Variants in LGSN observed in about 807,000 individuals in gnomAD.
LGSN encodes the protein lengsin, lens protein with glutamine synthetase domain, also known as lengsin.
LGSN carries 21 observed loss-of-function variants against 19.5 expected under a neutral mutation model. The observed-to-expected ratio is 1.07, with a 90% CI of 0.76 to 1.55. The LOEUF (loss-of-function observed/expected upper bound fraction) is 1.55. LGSN is among the 40% of genes most tolerant of loss of function. LGSN has a pLI of 0.00. For synonymous variants in LGSN, 257 were observed against 215.6 expected, an observed-to-expected ratio of 1.19 and a Z score of -1.68; for missense variants, 673 against 608.5, an observed-to-expected ratio of 1.11 and a Z score of -1.12.
intron 3 of LGSN, 63 bp from the exon 4 acceptor site, chr6:63,281,283 C>T (rs1302676286): frequency 2.9e-5 from 31 of 1,062,620 alleles, no homozygotes; most frequent in Middle Eastern, 2.6e-4. Flanking sequence ...CGGGGGGCGG[C>T]GGGAAAGCCT....
chr6:63,412,487 A>AGAGAG, the LGSN span, among the ~76,000 whole-genome samples: 5 of 67,406 alleles, frequency 7.4e-5, no homozygotes, highest in African/African-American at 3.0e-4. Flanking sequence ...GAAAGAGAAG[A>AGAGAG]AAGAAAGAAA....
chr6:63,358,988 T>A, the LGSN span, among the ~76,000 whole-genome samples: 1 of 152,202 alleles, frequency 6.6e-6, no homozygotes, highest in Non-Finnish European at 1.5e-5. Flanking sequence ...ATAGCTGTTA[T>A]TATTTTGAGA....
the LGSN span, among the ~76,000 whole-genome samples, chr6:63,369,874 C>T: frequency 1.3e-5 from 2 of 152,036 alleles, no homozygotes; most frequent in African/African-American, 4.8e-5. Flanking sequence ...GTGGCACATG[C>T]CTGTTGCCTC....
chr6:63,312,339 A>G (rs945003371), intron 1 of LGSN, among the ~76,000 whole-genome samples: 1 of 152,192 alleles, frequency 6.6e-6, no homozygotes, highest in African/African-American at 2.4e-5. Flanking sequence ...TGAATCATAT[A>G]TAGTAGCTCT....
At chr6:63,539,409 C>T in the LGSN span, among the ~76,000 whole-genome samples, 1 of 152,134 alleles carries the variant, frequency 6.6e-6, no homozygotes, top group African/African-American at 2.4e-5. Flanking sequence ...CATAGGGGTA[C>T]TCACTATCCT....
the LGSN span, among the ~76,000 whole-genome samples, chr6:63,435,908 TAAAA>T: frequency 0.1 from 14,464 of 138,250 alleles, 1,648 homozygotes; most frequent in African/African-American, 0.29. Flanking sequence ...TCATCCAAAT[TAAAA>T]AAAAAAAAAA....
chr6:63,458,279 C>A, the LGSN span, among the ~76,000 whole-genome samples: 1 of 152,120 alleles, frequency 6.6e-6, no homozygotes, highest in African/African-American at 2.4e-5. Context: ...GTTAGTCAGG[C>A]TGGTCTCGAA....
the LGSN span, among the ~76,000 whole-genome samples, chr6:63,500,603 T>G: frequency 2.6e-5 from 4 of 152,050 alleles, no homozygotes; most frequent in African/African-American, 9.6e-5. Flanking sequence ...GTATTTTTAG[T>G]AGGGATAGGG....
chr6:63,304,361 A>G (rs548191945), intron 1 of LGSN, among the ~76,000 whole-genome samples: 1 of 152,346 alleles, frequency 6.6e-6, no homozygotes, highest in Admixed American at 6.5e-5. Flanking sequence ...TAGTCTGTAC[A>G]GCAGATTTTA....
chr6:63,326,961 G>A, the LGSN span, among the ~76,000 whole-genome samples: 1 of 152,266 alleles, frequency 6.6e-6, no homozygotes, highest in Non-Finnish European at 1.5e-5. Context: ...CCCAGGCAGA[G>A]GAGGCGCCGA....
At chr6:63,549,111 G>C in the LGSN span, 1 of 701,456 alleles carries the variant, frequency 1.4e-6, no homozygotes, top group South Asian at 1.5e-5. Flanking sequence ...AAGGACAGGT[G>C]GTCTCTTAGT....
At chr6:63,535,365 T>G in the LGSN span, among the ~76,000 whole-genome samples, 1 of 151,464 alleles carries the variant, frequency 6.6e-6, no homozygotes, top group African/African-American at 2.4e-5. Flanking sequence ...TCAACTTGGG[T>G]GCCTGAGGCA....
chr6:63,322,881 G>T (rs987624678), upstream of LGSN, among the ~76,000 whole-genome samples: 23 of 152,276 alleles, frequency 1.5e-4, no homozygotes, highest in African/African-American at 5.5e-4. Flanking sequence ...GAATATTTTT[G>T]TGTGTCCTTT....
chr6:63,460,253 C>T, the LGSN span, among the ~76,000 whole-genome samples: 3 of 151,884 alleles, frequency 2.0e-5, no homozygotes, highest in Admixed American at 6.6e-5. Flanking sequence ...CCACCACACC[C>T]GGCCCCATTC....
In LGSN at chr6:63,297,354, C is replaced by CAA. The variant is rs75453519; in HGVS notation, c.31-2311_31-2310dup. 2.2e-3 allele frequency among the ~76,000 whole-genome samples: 166 copies of CAA among 73,844 alleles called. 1 individual carries two copies. Among genetic ancestry groups the CAA allele is most frequent in the Middle Eastern group, 7.2e-3 (1 of 138 alleles). 48.4% of individuals were successfully genotyped at this position (73,844 alleles called of 152,430 possible). A position where few individuals can be genotyped will look rare whatever the true frequency, so the allele number is the denominator to read the frequency against. ...GTGAGAGAAGAGTGAGCCTCGGTAT[C>CAA]AAAAAAAAAAAAAAAAAAAGCCCAA... is the stretch of plus-strand genomic sequence containing the variant. On this transcript the variant is annotated intron_variant, in intron 1 of 3. Coordinates refer to ENST00000370657, the MANE Select transcript of LGSN (RefSeq NM_016571.3).
chr6:63,282,425 C>T (rs952420227), intron 3 of LGSN, among the ~76,000 whole-genome samples: 13 of 152,042 alleles, frequency 8.6e-5, no homozygotes, highest in African/African-American at 2.2e-4. Context: ...CTGAGAAGTG[C>T]GAGATAAAGG....
At chr6:63,449,493 C>T in the LGSN span, among the ~76,000 whole-genome samples, 6 of 149,144 alleles carry the variant, frequency 4.0e-5, no homozygotes, top group Admixed American at 4.0e-4. Context: ...TGCAGTGAGC[C>T]GAGATCACAC....
the LGSN span, among the ~76,000 whole-genome samples, chr6:63,467,754 T>G: frequency 6.6e-6 from 1 of 152,126 alleles, no homozygotes; most frequent in Non-Finnish European, 1.5e-5. Flanking sequence ...TGCGGTGGCG[T>G]GATCTCGGCT....
At chr6:63,375,309 T>A in the LGSN span, among the ~76,000 whole-genome samples, 2 of 151,956 alleles carry the variant, frequency 1.3e-5, no homozygotes, top group Non-Finnish European at 2.9e-5. Context: ...CTTTCTGTAA[T>A]TGTATTAAAT....
Sources: gnomAD v4.1 joint callset for allele counts (sites outside exome capture counted in the v4.1 genomes callset) on GRCh38, gnomAD v4.1.1 for gene constraint, MANE v1.5 for transcripts, NCBI Gene and HGNC (gene_info 2026-07-23, HGNC 2026-07-21) for gene names.